The following TXNDC11 variants were observed in gnomAD, a reference collection of about 807,000 sequenced individuals.
The protein encoded by TXNDC11 is thioredoxin domain-containing protein 11.
In TXNDC11, 68 loss-of-function variants were observed where a neutral mutation model predicts 78.0. That is an observed-to-expected ratio of 0.87 (90% confidence interval 0.72 to 1.07). The LOEUF (loss-of-function observed/expected upper bound fraction) is 1.07, where lower values mean the gene tolerates loss of function less well. Among genes scored for constraint, TXNDC11 ranks in the 50% least tolerant of loss-of-function variants. TXNDC11 has a pLI of 0.00. For synonymous variants in TXNDC11, 571 were observed against 495.2 expected (o/e 1.15, Z -2.03); for missense variants, 1,389 against 1,221.8 (o/e 1.14, Z -2.04).
intron 11 of TXNDC11, among the ~76,000 whole-genome samples, chr16:11,680,521 T>C (rs1287447922): frequency 4.6e-5 from 7 of 152,218 alleles, no homozygotes; most frequent in African/African-American, 1.4e-4. Context: ...TACAGCTTTG[T>C]TCCAGGTCCT....
At chr16:11,717,721 T>C (rs988141129) in intron 5 of TXNDC11, among the ~76,000 whole-genome samples, 13 of 150,138 alleles carry the variant, frequency 8.7e-5, no homozygotes, top group Non-Finnish European at 1.5e-4. Flanking sequence ...CTCGGGAGGC[T>C]GAGGCAGGAG....
At chr16:11,696,132 T>G (rs1372154971) in intron 7 of TXNDC11, among the ~76,000 whole-genome samples, 1 of 151,780 alleles carries the variant, frequency 6.6e-6, no homozygotes, top group Non-Finnish European at 1.5e-5. Context: ...TCAAGATCTC[T>G]CCCCAGTTAG....
intron 5 of TXNDC11, chr16:11,703,566 T>G (rs1450770360): frequency 8.3e-6 from 5 of 599,228 alleles, no homozygotes; most frequent in Admixed American, 2.4e-5. Flanking sequence ...AGGGGATGGA[T>G]AGAGAAATAC....
chr16:11,706,692 C>A (rs1388212069), intron 5 of TXNDC11, among the ~76,000 whole-genome samples: 4 of 152,142 alleles, frequency 2.6e-5, no homozygotes, highest in African/African-American at 9.7e-5. Context: ...TCTTGTGCCT[C>A]CCGTGCACCG....
chr16:11,727,975 C>T (rs1367452527), intron 4 of TXNDC11, among the ~76,000 whole-genome samples: 2 of 152,068 alleles, frequency 1.3e-5, no homozygotes, highest in Admixed American at 6.6e-5. Context: ...GGGTGGAGGC[C>T]AGGGATATTG....
chr16:11,709,217 C>T (rs938311163), intron 5 of TXNDC11, among the ~76,000 whole-genome samples: 7 of 150,682 alleles, frequency 4.6e-5, no homozygotes, highest in African/African-American at 1.2e-4. Context: ...TGGTGTTTGC[C>T]AAGATATTAC....
At chr16:11,726,997 G>C (rs1204525581) in intron 4 of TXNDC11, among the ~76,000 whole-genome samples, 1 of 152,138 alleles carries the variant, frequency 6.6e-6, no homozygotes. Flanking sequence ...AGGTTGCGGT[G>C]AGACGAGATT....
intron 4 of TXNDC11, among the ~76,000 whole-genome samples, chr16:11,730,377 T>C (rs1349153410): frequency 6.6e-6 from 1 of 152,172 alleles, no homozygotes; most frequent in Non-Finnish European, 1.5e-5. Context: ...CTACTCTAAG[T>C]TAACTGTAAG....
chr16:11,700,419 G>A (rs778601174), intron 6 of TXNDC11, 33 bp downstream of exon 6: 1 of 1,076,508 alleles, frequency 9.3e-7, no homozygotes, highest in Non-Finnish European at 1.4e-6. Flanking sequence ...AAGAACCACT[G>A]CGCTAACATA....
At chr16:11,740,988 G>A (rs190813130) in intron 1 of TXNDC11, among the ~76,000 whole-genome samples, 1 of 145,378 alleles carries the variant, frequency 6.9e-6, no homozygotes, top group East Asian at 2.0e-4. Context: ...ATCTTGTGGG[G>A]TGTGCTACTG....
intron 5 of TXNDC11, among the ~76,000 whole-genome samples, chr16:11,706,849 C>T (rs1482329001): frequency 6.6e-6 from 1 of 152,196 alleles, no homozygotes; most frequent in East Asian, 1.9e-4. Context: ...TATATGACTA[C>T]AGCTGACCCT....
intron 5 of TXNDC11, among the ~76,000 whole-genome samples, chr16:11,705,511 C>A (rs55962409): frequency 0.23 from 35,200 of 151,834 alleles, 5,153 homozygotes; most frequent in East Asian, 0.42. Context: ...GAAGGAAAAG[C>A]AGCCAGTAAG....
At chr16:11,715,135 C>A (rs2051490435) in intron 5 of TXNDC11, among the ~76,000 whole-genome samples, 1 of 152,038 alleles carries the variant, frequency 6.6e-6, no homozygotes, top group Non-Finnish European at 1.5e-5. Flanking sequence ...GCCTGTAGTC[C>A]CAGCTACTCG....
intron 5 of TXNDC11, among the ~76,000 whole-genome samples, chr16:11,717,065 T>TAAA (rs1232762802): frequency 7.3e-6 from 1 of 137,102 alleles, no homozygotes; most frequent in Non-Finnish European, 1.6e-5. Context: ...TTTTTAAATT[T>TAAA]AAAAAAGAAG....
At chr16:11,715,966 G>A (rs2051515510) in intron 5 of TXNDC11, among the ~76,000 whole-genome samples, 1 of 152,208 alleles carries the variant, frequency 6.6e-6, no homozygotes, top group African/African-American at 2.4e-5. Flanking sequence ...TGCACGCAAA[G>A]TATTTCTTTA....
chr16:11,724,038 T>A (rs1334417192), intron 4 of TXNDC11, among the ~76,000 whole-genome samples: 1 of 152,166 alleles, frequency 6.6e-6, no homozygotes, highest in African/African-American at 2.4e-5. Context: ...CCAGCAGCAC[T>A]CACGCCTGTA....
At chr16:11,692,261 G>C in intron 7 of TXNDC11, 179 bp from the exon 8 acceptor site, 1 of 559,164 alleles carries the variant, frequency 1.8e-6, no homozygotes, top group Non-Finnish European at 3.1e-6. Flanking sequence ...GTCGCTCTGA[G>C]TAGTGTGATG....
At position 11,721,635 on chromosome 16, in the gene TXNDC11, T is replaced by G. The variant is rs1334720632; in HGVS notation, c.735A>C (p.Ser245=). The G allele has an allele frequency of 3.7e-6, 6 of 1,612,516 alleles. No individual in the cohort carries two copies. Among genetic ancestry groups the G allele is most frequent in the Non-Finnish European group, 5.1e-6 (6 of 1,179,014 alleles). ...AGGTCAAATAACCAGGAGGCTGGGG[T>G]GAGCCACTGAACTCAAAGTACCCGA... ...GVLGYFEFSG[S]PQPPGYLTFF... is the part of the protein sequence containing the mutation. The change falls in exon 5 of 12, where the codon TCA becomes TCC. Residue 245 remains serine (S), a synonymous_variant. Coordinates refer to ENST00000283033, the MANE Select transcript of TXNDC11 (RefSeq NM_015914.7).
intron 3 of TXNDC11, among the ~76,000 whole-genome samples, chr16:11,731,717 G>A (rs2052056443): frequency 2.0e-5 from 3 of 148,434 alleles, no homozygotes; most frequent in East Asian, 2.0e-4. Context: ...ACACACACAC[G>A]TGATGGGATA....
Sources: allele counts gnomAD v4.1 joint callset (sites outside exome capture counted in the v4.1 genomes callset), GRCh38; gene constraint gnomAD v4.1.1; transcripts MANE v1.5; gene names NCBI Gene and HGNC (gene_info 2026-07-23, HGNC 2026-07-21).